Variants in TRAPPC11 observed in about 807,000 individuals in gnomAD.
TRAPPC11 encodes the protein trafficking protein particle complex subunit 11.
Under a neutral mutation model 151.2 loss-of-function variants are expected in TRAPPC11, and 104 were observed. The ratio of observed to expected loss-of-function variants is 0.69; its 90% CI spans 0.59 to 0.81. The LOEUF (loss-of-function observed/expected upper bound fraction) is 0.81. Among genes scored for constraint, TRAPPC11 ranks in the 30% least tolerant of loss-of-function variants. The probability of loss-of-function intolerance (pLI) is 0.00; values close to 1 mark genes in which losing one functional copy is unlikely to be tolerated. For synonymous variants in TRAPPC11, 456 were observed against 472.3 expected (o/e 0.97, Z 0.45); for missense variants, 1,230 against 1,349.6 (o/e 0.91, Z 1.39).
At chr4:183,662,551 A>G (rs191956630) in intron 1 of TRAPPC11, among the ~76,000 whole-genome samples, 66 of 152,226 alleles carry the variant, frequency 4.3e-4, no homozygotes, top group African/African-American at 1.5e-3. Context: ...GTTTCCATTC[A>G]TTGTTAGTTT....
chr4:183,692,067 C>T (rs1019017294), intron 19 of TRAPPC11, among the ~76,000 whole-genome samples: 3 of 152,078 alleles, frequency 2.0e-5, no homozygotes, highest in African/African-American at 7.2e-5. Flanking sequence ...TAGCTTGTGG[C>T]CCTGGGCAGT....
chr4:183,676,856 C>T (rs1482539818), intron 7 of TRAPPC11, among the ~76,000 whole-genome samples: 1 of 152,220 alleles, frequency 6.6e-6, no homozygotes, highest in African/African-American at 2.4e-5. Context: ...TCTCTGCCTC[C>T]TGGGTTCAAG....
At chr4:183,660,073 C>T (rs1734394442) in intron 1 of TRAPPC11, among the ~76,000 whole-genome samples, 1 of 152,184 alleles carries the variant, frequency 6.6e-6, no homozygotes, top group Admixed American at 6.5e-5. Flanking sequence ...GTTGGTTGCT[C>T]CATTGGATAT....
Position 183,697,851 on chromosome 4 carries a change from T to G in TRAPPC11, c.2851+16T>G. 4 of 1,609,708 alleles carry G rather than the reference T, an allele frequency of 2.5e-6. No individual in the cohort carries two copies. The highest frequency in any genetic ancestry group is 3.4e-6 in the Non-Finnish European group (4 of 1,178,142). ...GTGGACAATGGTGAGTCTGGTTCAT[T>G]CCCACTTAAAGACCAGGAGAATTGT... On this transcript the variant is annotated intron_variant, in intron 25 of 29. Transcript: ENST00000334690.
intron 1 of TRAPPC11, among the ~76,000 whole-genome samples, chr4:183,661,927 A>G (rs1448450985): frequency 6.6e-6 from 1 of 151,180 alleles, no homozygotes; most frequent in Non-Finnish European, 1.5e-5. Context: ...ATGCCCGGCT[A>G]TTTTCTTTTT....
In TRAPPC11 at chr4:183,686,714, G is replaced by A. The variant is rs777944677; in HGVS notation, c.1859G>A (p.Arg620Lys). 1.9e-6 allele frequency: 3 copies of A among 1,614,028 alleles called. No individual in the cohort carries two copies. The highest frequency in any genetic ancestry group is 2.5e-6 in the Non-Finnish European group (3 of 1,179,992). The change falls in exon 18 of 30, where the codon AGG becomes AAG. Residue 620 changes from arginine to lysine, a missense_variant. Transcript: ENST00000334690. Reference sequence around the variant, plus strand: ...AAGGCTGATTGTCCACATCCCATTAGGTTTTCCAAGCTCTGTGTCAGCTTT... The same window carrying A: ...AAGGCTGATTGTCCACATCCCATTAAGTTTTCCAAGCTCTGTGTCAGCTTT... ...YLKADCPHPIRFSKLCVSFNN... is the reference protein window; with the variant it reads ...YLKADCPHPIKFSKLCVSFNN...
intron 5 of TRAPPC11, among the ~76,000 whole-genome samples, chr4:183,670,599 GC>G (rs1404683493): frequency 6.6e-6 from 1 of 152,116 alleles, no homozygotes; most frequent in African/African-American, 2.4e-5. Flanking sequence ...AATATTGGAA[GC>G]AGTTTTCTTT....
At chr4:183,698,880 CTCCTTCACACGCACATCTA>C (rs1405410374) in intron 25 of TRAPPC11, among the ~76,000 whole-genome samples, 26 of 152,202 alleles carry the variant, frequency 1.7e-4, no homozygotes, top group African/African-American at 6.0e-4. Flanking sequence ...AAAAACTACA[CTCCTTCACACGCACATCTA>C]TCCTTCACAC....
intron 25 of TRAPPC11, chr4:183,701,417 C>T (rs1305131022): frequency 6.9e-6 from 2 of 290,740 alleles, no homozygotes; most frequent in Non-Finnish European, 6.4e-6. Context: ...TTGATTCTGT[C>T]TCTAAGCTTT....
Position 183,680,124 on chromosome 4 carries a change from C to T in TRAPPC11, c.970C>T (p.Gln324Ter), listed in dbSNP as rs1283008121. The T allele has an allele frequency of 6.2e-7, 1 of 1,607,142 alleles. No homozygotes were observed. The highest frequency in any genetic ancestry group is 8.5e-7 in the Non-Finnish European group (1 of 1,177,104). Residue 324 changes from glutamine to a stop codon, truncating the protein, a stop_gained, in exon 10 of 30, where the codon CAG (glutamine) becomes TAG (stop). Transcript: ENST00000334690. LOFTEE classifies it high-confidence loss of function. ...CTTGATTTTCTTTTCTTTAAGATTC[C>T]AGGCCTTTGGAGATTTATTTGATGA... ...EHDAWMSKQF[Q>*]AFGDLFDEAI... is the part of the protein sequence containing the mutation.
intron 22 of TRAPPC11, among the ~76,000 whole-genome samples, chr4:183,694,379 T>C (rs1448387259): frequency 6.6e-6 from 1 of 152,198 alleles, no homozygotes; most frequent in African/African-American, 2.4e-5. Flanking sequence ...TTCTAAAAGA[T>C]GCAGTAGTAA....
At chr4:183,660,200 A>G (rs1579142100) in intron 1 of TRAPPC11, among the ~76,000 whole-genome samples, 1 of 152,240 alleles carries the variant, frequency 6.6e-6, no homozygotes, top group Non-Finnish European at 1.5e-5. Context: ...TTCAGGTGAC[A>G]TAGGAGAATG....
At chr4:183,691,543 CA>C in intron 19 of TRAPPC11, 72 bp downstream of exon 19, 1 of 955,962 alleles carries the variant, frequency 1.0e-6, no homozygotes, top group South Asian at 3.9e-5. Context: ...TTAAATAATA[CA>C]AAAGTTGATT....
At chr4:183,679,225 G>T in intron 8 of TRAPPC11, 128 bp from the exon 9 acceptor site, 1 of 896,200 alleles carries the variant, frequency 1.1e-6, no homozygotes, top group Non-Finnish European at 1.6e-6. Context: ...TAATTGTATT[G>T]CAAAGAGCTT....
intron 1 of TRAPPC11, among the ~76,000 whole-genome samples, chr4:183,661,247 C>T (rs1253435425): frequency 6.6e-6 from 1 of 151,700 alleles, no homozygotes; most frequent in African/African-American, 2.4e-5. Flanking sequence ...ATTAACCTTT[C>T]AGTTGAAAAT....
chr4:183,712,542 G>C, intron 29 of TRAPPC11, 58 bp from the exon 30 acceptor site: 1 of 1,493,192 alleles, frequency 6.7e-7, no homozygotes, highest in Non-Finnish European at 9.3e-7. Context: ...CCAGTTAATA[G>C]AGCTTTTGTT....
At chr4:183,665,286 G>A (rs911590198) in intron 2 of TRAPPC11, among the ~76,000 whole-genome samples, 7 of 151,880 alleles carry the variant, frequency 4.6e-5, no homozygotes, top group Non-Finnish European at 8.8e-5. Context: ...AGTAGAGACG[G>A]GGTTTCACCG....
At chr4:183,710,826 C>T (rs1226540094) in intron 29 of TRAPPC11, among the ~76,000 whole-genome samples, 1 of 151,496 alleles carries the variant, frequency 6.6e-6, no homozygotes, top group Non-Finnish European at 1.5e-5. Flanking sequence ...GTCAGGAGTT[C>T]GAGACCAGCC....
At chr4:183,712,299 TGAGA>T (rs912742223) in intron 29 of TRAPPC11, among the ~76,000 whole-genome samples, 47 of 152,108 alleles carry the variant, frequency 3.1e-4, no homozygotes, top group African/African-American at 1.1e-3. Flanking sequence ...AACGCAGGGT[TGAGA>T]GAGAAGTACT....
Sources: gnomAD v4.1 joint callset for allele counts (sites outside exome capture counted in the v4.1 genomes callset) on GRCh38, gnomAD v4.1.1 for gene constraint, MANE v1.5 for transcripts, NCBI Gene and HGNC (gene_info 2026-07-23, HGNC 2026-07-21) for gene names.